The following CRHR1 variants were observed in gnomAD, a reference collection of about 807,000 sequenced individuals.
The protein encoded by CRHR1 is corticotropin releasing hormone receptor 1, also known as corticotropin-releasing hormone receptor 1.
CRHR1 carries 28 observed loss-of-function variants against 56.0 expected under a neutral mutation model. The ratio of observed to expected loss-of-function variants is 0.50; its 90% CI spans 0.37 to 0.69. CRHR1 has a LOEUF of 0.69. CRHR1 is among the 30% of genes least tolerant of loss of function. The pLI is 0.00. For missense variants in CRHR1, 376 were observed against 548.0 expected, an observed-to-expected ratio of 0.69 and a Z score of 3.13; for synonymous variants, 195 against 216.5, an observed-to-expected ratio of 0.90 and a Z score of 0.87.
intron 4 of CRHR1, chr17:45,825,530 G>A (rs2062142618): frequency 6.5e-6 from 1 of 154,680 alleles, no homozygotes; most frequent in South Asian, 2.0e-4. Flanking sequence ...ACCGTGGTGG[G>A]ACATGAAACG....
intron 1 of CRHR1, among the ~76,000 whole-genome samples, chr17:45,798,530 A>AG (rs2061562380): frequency 6.8e-6 from 1 of 147,012 alleles, no homozygotes. Flanking sequence ...CGTCTCGGGA[A>AG]AAAAAAAAAA....
chr17:45,805,375 G>C (rs1165443464), intron 1 of CRHR1, among the ~76,000 whole-genome samples: 1 of 152,080 alleles, frequency 6.6e-6, no homozygotes, highest in East Asian at 1.9e-4. Flanking sequence ...GTGCTGCCTG[G>C]GCTGGCCACC....
rs138225927 is a variant in CRHR1, at chr17:45,804,762, C to T, written c.34-2248C>T. Among the ~76,000 whole-genome samples, 471 of 151,460 alleles carry T rather than the reference C, an allele frequency of 3.1e-3. 2 individuals carry two copies. The highest frequency in any genetic ancestry group is 5.1e-3 in the Admixed American group (78 of 15,214). On this transcript the variant is annotated intron_variant, in intron 1 of 12. Coordinates refer to ENST00000314537, the MANE Select transcript of CRHR1 (RefSeq NM_004382.5). ...GGGAAGATGGCGCATGAGTGGGGCC[C>T]GACTGGAGTGAAGCAAGTGAGGCAT... is the stretch of plus-strand genomic sequence containing the variant.
chr17:45,830,985 C>A, intron 8 of CRHR1, 45 bp downstream of exon 8: 1 of 1,593,602 alleles, frequency 6.3e-7, no homozygotes, highest in African/African-American at 1.3e-5. Flanking sequence ...TTTAGGCTCC[C>A]AGCCCAGCTT....
intron 3 of CRHR1, among the ~76,000 whole-genome samples, chr17:45,820,699 AT>A (rs1305540474): frequency 6.6e-6 from 1 of 150,442 alleles, no homozygotes; most frequent in Non-Finnish European, 1.5e-5. Context: ...GACCTCCATC[AT>A]GGATGTTCCC....
intron 1 of CRHR1, among the ~76,000 whole-genome samples, chr17:45,797,200 C>T (rs574709626): frequency 2.6e-5 from 4 of 151,576 alleles, no homozygotes; most frequent in South Asian, 2.1e-4. Context: ...GAAGGAAGAA[C>T]GTGCAAAGTT....
chr17:45,816,666 C>T (rs888745483), intron 3 of CRHR1, 84 bp downstream of exon 3: 137 of 1,588,402 alleles, frequency 8.6e-5, no homozygotes, highest in Non-Finnish European at 7.6e-5. Flanking sequence ...GGAAGAATGA[C>T]GATGACAATA....
At chr17:45,794,943 C>T (rs1027727383) in intron 1 of CRHR1, among the ~76,000 whole-genome samples, 2 of 152,206 alleles carry the variant, frequency 1.3e-5, no homozygotes, top group African/African-American at 4.8e-5. Flanking sequence ...CTCGCTGACT[C>T]TGGGAAGAGG....
At chr17:45,788,234 T>G (rs2061368386) in intron 1 of CRHR1, among the ~76,000 whole-genome samples, 1 of 152,018 alleles carries the variant, frequency 6.6e-6, no homozygotes, top group South Asian at 2.1e-4. Flanking sequence ...AGCCTGGGAG[T>G]CAGTGAACCT....
At chr17:45,829,143 C>A in intron 4 of CRHR1, 72 bp from the exon 5 acceptor site, 1 of 1,206,912 alleles carries the variant, frequency 8.3e-7, no homozygotes, top group Non-Finnish European at 1.2e-6. Flanking sequence ...CCCAGCCACC[C>A]CTAGGCGATG....
chr17:45,802,629 A>G (rs2061644353), intron 1 of CRHR1, among the ~76,000 whole-genome samples: 1 of 152,252 alleles, frequency 6.6e-6, no homozygotes, highest in African/African-American at 2.4e-5. Context: ...AGACCTTTCC[A>G]GAGAGGAAAG....
intron 4 of CRHR1, among the ~76,000 whole-genome samples, chr17:45,824,534 G>T (rs569383663): frequency 1.5e-4 from 23 of 152,266 alleles, no homozygotes. Flanking sequence ...AGGGCAGTAG[G>T]TTAGCCACCC....
intron 2 of CRHR1, among the ~76,000 whole-genome samples, chr17:45,811,456 G>A (rs1290647342): frequency 2.0e-5 from 3 of 152,220 alleles, no homozygotes; most frequent in Non-Finnish European, 4.4e-5. Flanking sequence ...ATATAGGACC[G>A]GTTTTTGCAT....
intron 3 of CRHR1, among the ~76,000 whole-genome samples, chr17:45,820,095 A>T (rs950292935): frequency 6.6e-6 from 1 of 151,828 alleles, no homozygotes; most frequent in Non-Finnish European, 1.5e-5. Flanking sequence ...GGGGCTCCAG[A>T]CTCAAGGACT....
intron 1 of CRHR1, among the ~76,000 whole-genome samples, chr17:45,787,842 A>AAC (rs2061362171): frequency 1.3e-5 from 2 of 152,216 alleles, no homozygotes; most frequent in African/African-American, 2.4e-5. Flanking sequence ...AGGAACGCGA[A>AAC]ACAGTGAGCC....
chr17:45,817,742 C>T (rs775345796), intron 3 of CRHR1, among the ~76,000 whole-genome samples: 1 of 152,164 alleles, frequency 6.6e-6, no homozygotes, highest in Non-Finnish European at 1.5e-5. Context: ...ATCTAGCAGC[C>T]TCGTGTGTCT....
chr17:45,831,129 C>A (rs2062300129), intron 8 of CRHR1, among the ~76,000 whole-genome samples, 189 bp downstream of exon 8: 1 of 152,184 alleles, frequency 6.6e-6, no homozygotes, highest in Admixed American at 6.5e-5. Context: ...CTGGGTGGGG[C>A]TGGACAAGCA....
rs769768261 is a variant in CRHR1, at chr17:45,834,674, G to C, written c.1158G>C (p.Ser386=). Reference sequence around the variant, plus strand: ...GGCACCGGTGGCAGGACAAGCACTCGATCCGTGCCCGAGTGGCCCGTGCCA... The same window carrying C: ...GGCACCGGTGGCAGGACAAGCACTCCATCCGTGCCCGAGTGGCCCGTGCCA... ...KRWHRWQDKH[S]IRARVARAMS... The change falls in exon 13 of 13, where the codon TCG becomes TCC. Residue 386 remains serine, a synonymous_variant. Transcript: ENST00000314537. 6.2e-7 allele frequency: 1 copy of C among 1,613,484 alleles called. No homozygotes were observed. Among genetic ancestry groups the C allele is most frequent in the Non-Finnish European group, 8.5e-7 (1 of 1,179,912 alleles).
chr17:45,786,679 G>A (rs969518180), intron 1 of CRHR1, among the ~76,000 whole-genome samples: 3 of 131,008 alleles, frequency 2.3e-5, no homozygotes, highest in East Asian at 2.3e-4. Context: ...CCACTCTGTC[G>A]CCCAGGTTGG....
Sources: gnomAD v4.1 joint callset for allele counts (sites outside exome capture counted in the v4.1 genomes callset) on GRCh38, gnomAD v4.1.1 for gene constraint, MANE v1.5 for transcripts, NCBI Gene and HGNC (gene_info 2026-07-23, HGNC 2026-07-21) for gene names.